VBP1: variants seen among roughly 807,000 people sequenced by gnomAD.
The protein encoded by VBP1 is VHL binding protein 1, also known as prefoldin subunit 3.
Under a neutral mutation model 15.5 loss-of-function variants are expected in VBP1, and 4 were observed. The ratio of observed to expected loss-of-function variants is 0.26; its 90% CI spans 0.13 to 0.59. The LOEUF (loss-of-function observed/expected upper bound fraction) is 0.59. Among genes scored for constraint, VBP1 ranks in the 20% least tolerant of loss-of-function variants. The pLI is 0.90. For synonymous variants in VBP1, 61 were observed against 52.1 expected, an observed-to-expected ratio of 1.17 and a Z score of -0.74; for missense variants, 108 against 139.6, an observed-to-expected ratio of 0.77 and a Z score of 1.14.
chrX:155,197,561 A>G (rs1176377353), intron 1 of VBP1, among the ~76,000 whole-genome samples: 3 of 112,176 alleles, frequency 2.7e-5, no homozygotes, highest in African/African-American at 9.7e-5. Context: ...TATGTATAGA[A>G]TGGTAAGAAA....
chrX:155,231,004 T>A (rs782425600), intron 4 of VBP1, among the ~76,000 whole-genome samples: 1 of 112,365 alleles, frequency 8.9e-6, no homozygotes, highest in Admixed American at 9.4e-5. Flanking sequence ...ACTTCCTCGC[T>A]TGGCCACACT....
At chrX:155,228,680 G>A (rs782613725) in intron 4 of VBP1, among the ~76,000 whole-genome samples, 198 bp downstream of exon 4, 12 of 111,957 alleles carry the variant, frequency 1.1e-4, no homozygotes, top group Non-Finnish European at 2.3e-4. Flanking sequence ...ACTAGAATCA[G>A]AAGTGCGATG....
intron 2 of VBP1, among the ~76,000 whole-genome samples, chrX:155,225,690 A>G (rs1449500363): frequency 8.9e-6 from 1 of 112,348 alleles, no homozygotes; most frequent in African/African-American, 3.2e-5. Context: ...ACATGACAAA[A>G]AATCTTGATC....
intron 4 of VBP1, 55 bp from the exon 5 acceptor site, chrX:155,236,174 A>G: frequency 1.7e-6 from 2 of 1,153,562 alleles, no homozygotes; most frequent in Non-Finnish European, 2.3e-6. Context: ...ACTTTACTCT[A>G]ACCTATAAAG....
At chrX:155,218,407 AAC>A (rs1307089892) in intron 1 of VBP1, among the ~76,000 whole-genome samples, 2 of 112,030 alleles carry the variant, frequency 1.8e-5, no homozygotes, top group African/African-American at 6.5e-5. Context: ...TGTTATGGGA[AAC>A]AGAGAACATG....
intron 1 of VBP1, among the ~76,000 whole-genome samples, chrX:155,199,403 G>T (rs1196731880): frequency 2.7e-5 from 3 of 110,132 alleles, no homozygotes; most frequent in African/African-American, 6.6e-5. Flanking sequence ...GACTAACAGC[G>T]GATCTCTCGG....
intron 2 of VBP1, among the ~76,000 whole-genome samples, chrX:155,210,268 C>T (rs186996753): frequency 9.7e-4 from 107 of 110,464 alleles, no homozygotes; most frequent in Non-Finnish European, 1.6e-3. Flanking sequence ...GGCAACATTG[C>T]GAGGCCCCAT....
At chrX:155,234,309 C>T (rs1166579256) in intron 4 of VBP1, among the ~76,000 whole-genome samples, 2 of 108,298 alleles carry the variant, frequency 1.8e-5, no homozygotes, top group African/African-American at 3.4e-5. Flanking sequence ...TTAGTAGAGA[C>T]GGGGTTTCGC....
intron 2 of VBP1, among the ~76,000 whole-genome samples, chrX:155,220,780 T>G (rs1423851639): frequency 8.9e-6 from 1 of 112,440 alleles, no homozygotes; most frequent in African/African-American, 3.2e-5. Flanking sequence ...TAATAAATAT[T>G]TATAGATCTC....
intron 1 of VBP1, among the ~76,000 whole-genome samples, chrX:155,204,310 G>A (rs2074618788): frequency 9.0e-6 from 1 of 110,566 alleles, no homozygotes. Flanking sequence ...TTGACACCAC[G>A]CCAGGCTAAT....
At chrX:155,216,423 C>G, upstream of VBP1, 1 of 1,153,663 alleles carries the variant, frequency 8.7e-7, no homozygotes, top group Non-Finnish European at 1.2e-6. Context: ...GCGAACAAGC[C>G]AATCACGGAA....
upstream of VBP1, chrX:155,213,273 G>C (rs1208002256): frequency 9.0e-6 from 1 of 111,728 alleles, no homozygotes; most frequent in Non-Finnish European, 1.9e-5. Flanking sequence ...GAAGGCCTTG[G>C]GCTCTTTCCC....
intron 1 of VBP1, among the ~76,000 whole-genome samples, chrX:155,202,899 A>G (rs2074611091): frequency 8.9e-6 from 1 of 111,927 alleles, no homozygotes; most frequent in East Asian, 2.8e-4. Flanking sequence ...AATGAACTCA[A>G]ACAAATTTAC....
intron 2 of VBP1, among the ~76,000 whole-genome samples, chrX:155,209,553 C>T (rs1175323316): frequency 8.9e-6 from 1 of 112,247 alleles, no homozygotes; most frequent in African/African-American, 3.2e-5. Context: ...TTTGGCATTA[C>T]AGGCAGAAAG....
intron 1 of VBP1, chrX:155,208,725 G>A: frequency 2.8e-6 from 1 of 351,270 alleles, no homozygotes; most frequent in South Asian, 7.3e-5. Flanking sequence ...TTTGCATCTG[G>A]CATTTAGCAT....
rs782124932 is a variant in VBP1, at chrX:155,238,769, C to A, written c.524-3C>A. The A allele has an allele frequency of 5.7e-5, 68 of 1,195,195 alleles. No individual in the cohort carries two copies. The highest frequency in any genetic ancestry group is 7.4e-5 in the Non-Finnish European group (66 of 888,302). ...TTTGCATTTTCTTTGACAATTCTTG[C>A]AGATATGGCCAGGGTTTATAATTGG... On this transcript the variant is annotated splice_polypyrimidine_tract_variant and splice_region_variant and intron_variant, in intron 5 of 5. Coordinates refer to ENST00000286428, the MANE Select transcript of VBP1 (RefSeq NM_003372.7).
chrX:155,211,169 C>G (rs1438937635), intron 2 of VBP1, among the ~76,000 whole-genome samples: 1 of 111,804 alleles, frequency 8.9e-6, no homozygotes, highest in Non-Finnish European at 1.9e-5. Context: ...TCCCACTACA[C>G]TTAGTGTCTC....
chrX:155,200,981 C>T (rs1185442652), intron 1 of VBP1, among the ~76,000 whole-genome samples: 1 of 111,386 alleles, frequency 9.0e-6, no homozygotes, highest in African/African-American at 3.3e-5. Flanking sequence ...ACTACAAACA[C>T]CTCTGCGCAA....
chrX:155,232,827 C>T (rs2074753643), intron 4 of VBP1, among the ~76,000 whole-genome samples: 1 of 112,773 alleles, frequency 8.9e-6, no homozygotes, highest in South Asian at 3.6e-4. Flanking sequence ...TCTCTTTCTG[C>T]CTCTTGCTGT....
Sources: gnomAD v4.1 joint callset for allele counts (sites outside exome capture counted in the v4.1 genomes callset) on GRCh38, gnomAD v4.1.1 for gene constraint, MANE v1.5 for transcripts, NCBI Gene and HGNC (gene_info 2026-07-23, HGNC 2026-07-21) for gene names.